The following DLGAP1 variants were observed in gnomAD, a reference collection of about 807,000 sequenced individuals.
DLGAP1 encodes the protein disks large-associated protein 1.
Under a neutral mutation model 90.8 loss-of-function variants are expected in DLGAP1, and 11 were observed. That is an observed-to-expected ratio of 0.12 (90% CI 0.08 to 0.20). DLGAP1 has a LOEUF of 0.20. Ranked by LOEUF, DLGAP1 falls within the 10% of genes least tolerant of loss-of-function variation. DLGAP1 has a pLI of 1.00. For synonymous variants in DLGAP1, 558 were observed against 540.7 expected (o/e 1.03, Z -0.44); for missense variants, 1,050 against 1,333.8 (o/e 0.79, Z 3.31).
At chr18:4,149,896 C>T (rs779939622) in intron 2 of DLGAP1, among the ~76,000 whole-genome samples, 16 of 152,154 alleles carry the variant, frequency 1.1e-4, no homozygotes, top group Non-Finnish European at 2.1e-4. Context: ...TGTCTTTCTG[C>T]TTTCTACCCA....
chr18:4,103,815 A>AT (rs1462747555), intron 2 of DLGAP1, among the ~76,000 whole-genome samples: 4 of 152,234 alleles, frequency 2.6e-5, no homozygotes, highest in Non-Finnish European at 4.4e-5. Context: ...CAAATAATAC[A>AT]TTTTTTCTTT....
chr18:4,031,307 T>A (rs1157636980), intron 2 of DLGAP1, among the ~76,000 whole-genome samples: 1 of 152,162 alleles, frequency 6.6e-6, no homozygotes, highest in East Asian at 1.9e-4. Context: ...GTATCAAAAG[T>A]TGGCTTCCTA....
At position 4,113,277 on chromosome 18, in the gene DLGAP1, T is replaced by G. The variant is rs375158665; in HGVS notation, c.-159+37903A>C. On this transcript the variant is annotated intron_variant, in intron 2 of 12. Transcript: ENST00000315677. ...TTCAGTCTCACCAGCATCTGCTGTT[T>G]TTGGACTTTTTAGTAATAATCATTC... Among the ~76,000 whole-genome samples the G allele has an allele frequency of 3.3e-5, 5 of 152,296 alleles. No homozygotes were observed. The East Asian group carries it at 9.6e-4, about 29-fold the overall frequency.
intron 3 of DLGAP1, among the ~76,000 whole-genome samples, chr18:3,996,370 CTGAT>C (rs956194968): frequency 1.7e-4 from 26 of 152,036 alleles, no homozygotes; most frequent in African/African-American, 6.0e-4. Flanking sequence ...AATTTTAAAA[CTGAT>C]TGATACTCAA....
chr18:3,733,548 T>C (rs1397753796), intron 6 of DLGAP1, among the ~76,000 whole-genome samples: 1 of 152,166 alleles, frequency 6.6e-6, no homozygotes, highest in East Asian at 1.9e-4. Flanking sequence ...TGTTTTCACA[T>C]CCCACCATGT....
intron 2 of DLGAP1, among the ~76,000 whole-genome samples, chr18:4,138,618 T>A (rs1012056109): frequency 6.6e-6 from 1 of 152,038 alleles, no homozygotes; most frequent in Non-Finnish European, 1.5e-5. Flanking sequence ...TGTGTCCTTG[T>A]CTGGTTTTGG....
intron 10 of DLGAP1, among the ~76,000 whole-genome samples, chr18:3,518,146 A>T (rs2050955983): frequency 6.6e-6 from 1 of 152,170 alleles, no homozygotes; most frequent in East Asian, 1.9e-4. Context: ...TCTTCATTTG[A>T]ACACATAGAG....
chr18:4,197,960 G>A (rs1353780667), intron 1 of DLGAP1, among the ~76,000 whole-genome samples: 2 of 152,214 alleles, frequency 1.3e-5, no homozygotes, highest in East Asian at 3.9e-4. Context: ...GGTGGCTCAC[G>A]CCTGTAATCC....
chr18:3,940,582 G>GTGTT (rs139439238), intron 3 of DLGAP1, among the ~76,000 whole-genome samples: 2,868 of 152,254 alleles, frequency 0.019, 30 homozygotes, highest in Non-Finnish European at 0.029. Flanking sequence ...ATTGGAAAAA[G>GTGTT]TGTTAAAAGC....
intron 1 of DLGAP1, among the ~76,000 whole-genome samples, chr18:4,178,198 AATAAACACAC>A (rs1441095474): frequency 3.2e-5 from 4 of 126,036 alleles, no homozygotes; most frequent in African/African-American, 1.3e-4. Flanking sequence ...CGGGTCCTGG[AATAAACACAC>A]ACACACACAC....
chr18:4,327,568 C>A (rs2080851502), intron 1 of DLGAP1, among the ~76,000 whole-genome samples: 1 of 151,650 alleles, frequency 6.6e-6, no homozygotes, highest in Admixed American at 6.6e-5. Flanking sequence ...TAAACTTATT[C>A]TTCTATTGAA....
At chr18:3,778,921 G>C (rs556524879) in intron 5 of DLGAP1, among the ~76,000 whole-genome samples, 1 of 152,074 alleles carries the variant, frequency 6.6e-6, no homozygotes, top group Non-Finnish European at 1.5e-5. Flanking sequence ...GTCACGTGGC[G>C]TTTATACAGG....
chr18:4,341,977 C>G (rs753622909), intron 1 of DLGAP1, among the ~76,000 whole-genome samples: 1 of 151,854 alleles, frequency 6.6e-6, no homozygotes, highest in African/African-American at 2.4e-5. Context: ...TACTGAATTC[C>G]TTGAATCTCA....
At chr18:4,190,980 G>A (rs1340109175) in intron 1 of DLGAP1, among the ~76,000 whole-genome samples, 1 of 152,032 alleles carries the variant, frequency 6.6e-6, no homozygotes, top group African/African-American at 2.4e-5. Context: ...AGAAACTCAT[G>A]GCTTAAAGGA....
rs1437430704 is a variant in DLGAP1, at chr18:3,574,799, ATTTTATTTTATTTTATTTTAT to A, written c.1965+7055_1965+7075del. On this transcript the variant is annotated intron_variant, in intron 8 of 12. Transcript: ENST00000315677. ...GTGCCTTTTTATTTTATTTTATTTT[ATTTTATTTTATTTTATTTTAT>A]TTTATTTATTTTGAGACAGAGTCTG... Among the ~76,000 whole-genome samples the A allele has an allele frequency of 6.2e-3, 694 of 112,506 alleles. 6 individuals carry two copies. Among genetic ancestry groups the A allele is most frequent in the African/African-American group, 0.019 (662 of 34,352 alleles). 73.8% of individuals were successfully genotyped at this position (112,506 alleles called of 152,430 possible).
At chr18:3,551,102 A>G (rs2144798020) in intron 9 of DLGAP1, among the ~76,000 whole-genome samples, 1 of 151,990 alleles carries the variant, frequency 6.6e-6, no homozygotes, top group South Asian at 2.1e-4. Flanking sequence ...TCTGTTGTTT[A>G]GGACATCAGT....
At chr18:3,550,472 T>C (rs2053324956) in intron 9 of DLGAP1, among the ~76,000 whole-genome samples, 1 of 152,138 alleles carries the variant, frequency 6.6e-6, no homozygotes, top group South Asian at 2.1e-4. Context: ...GCAATCATCC[T>C]GCCTCAGCCT....
chr18:3,821,938 C>T (rs1290242749), intron 4 of DLGAP1: 2 of 984,870 alleles, frequency 2.0e-6, no homozygotes, highest in Non-Finnish European at 2.4e-6. Context: ...TGCTTTTCTG[C>T]TCCACACAGC....
At chr18:3,955,077 G>T (rs1357242434) in intron 3 of DLGAP1, among the ~76,000 whole-genome samples, 6 of 152,130 alleles carry the variant, frequency 3.9e-5, no homozygotes, top group Non-Finnish European at 8.8e-5. Context: ...CTGCGGGGGG[G>T]AAGGAACATC....
Sources: gnomAD v4.1 joint callset for allele counts (sites outside exome capture counted in the v4.1 genomes callset) on GRCh38, gnomAD v4.1.1 for gene constraint, MANE v1.5 for transcripts, NCBI Gene and HGNC (gene_info 2026-07-23, HGNC 2026-07-21) for gene names.